The following USP36 variants were observed in gnomAD, a reference collection of about 807,000 sequenced individuals.
The protein encoded by USP36 is ubiquitin specific peptidase 36, also known as ubiquitin carboxyl-terminal hydrolase 36.
USP36 carries 59 observed loss-of-function variants against 111.5 expected under a neutral mutation model. That is an observed-to-expected ratio of 0.53 (90% confidence interval 0.43 to 0.66). The LOEUF (loss-of-function observed/expected upper bound fraction) is 0.66. USP36 is among the 30% of genes least tolerant of loss of function. The pLI, the probability that USP36 is intolerant of heterozygous loss-of-function variation, is 0.00. For missense variants in USP36, 1,488 were observed against 1,468.0 expected, an observed-to-expected ratio of 1.01 and a Z score of -0.22; for synonymous variants, 628 against 581.0, an observed-to-expected ratio of 1.08 and a Z score of -1.16.
intron 17 of USP36, among the ~76,000 whole-genome samples, chr17:78,800,976 T>A (rs2093727932): frequency 6.9e-6 from 1 of 144,610 alleles, no homozygotes; most frequent in Non-Finnish European, 1.5e-5. Context: ...AGTATTTTTT[T>A]TTTTTTTTTT....
chr17:78,840,980 A>T (rs1407905395), upstream of USP36: 6 of 151,636 alleles, frequency 4.0e-5, no homozygotes, highest in African/African-American at 1.5e-4. Flanking sequence ...CGCCTACGTC[A>T]CCTCCCCATC....
chr17:78,830,074 T>G (rs780757747), intron 4 of USP36, among the ~76,000 whole-genome samples: 19 of 152,234 alleles, frequency 1.2e-4, no homozygotes, highest in Non-Finnish European at 2.5e-4. Context: ...CAAATTATGA[T>G]GTAAATAAAC....
In USP36 at chr17:78,829,019, G is replaced by T. The variant is rs1488816872; in HGVS notation, c.476-12C>A. On this transcript the variant is annotated splice_polypyrimidine_tract_variant and intron_variant, in intron 4 of 20. Transcript: ENST00000449938. ...GCTTCCCTGGTGGCCTGCCGGCGTG[G>T]AAGGAGGAGCAATTTTAAGACAAGA... The T allele has an allele frequency of 2.5e-6, 4 of 1,610,384 alleles. No homozygotes were observed. Among genetic ancestry groups the T allele is most frequent in the Non-Finnish European group, 3.4e-6 (4 of 1,178,168 alleles).
At chr17:78,790,466 T>A (rs914252648) in intron 3 of USP36, among the ~76,000 whole-genome samples, 5 of 152,218 alleles carry the variant, frequency 3.3e-5, no homozygotes, top group African/African-American at 1.2e-4. Flanking sequence ...AATTTTTTTT[T>A]ATTTTTAGTA....
chr17:78,790,444 C>G (rs137858906), intron 3 of USP36, among the ~76,000 whole-genome samples: 1 of 152,126 alleles, frequency 6.6e-6, no homozygotes, highest in African/African-American at 2.4e-5. Flanking sequence ...GCGTGTGCCA[C>G]GAGGCCCGGC....
rs755645646 is a variant in USP36, at chr17:78,806,947, C to T, written c.2085+12G>A. 3 of 1,613,146 alleles carry T rather than the reference C, an allele frequency of 1.9e-6. No individual in the cohort carries two copies. Among genetic ancestry groups the T allele is most frequent in the Non-Finnish European group, 2.5e-6 (3 of 1,179,312 alleles). On this transcript the variant is annotated intron_variant, in intron 14 of 20. Transcript: ENST00000449938. ...CTGATACACAGCAGCGGCGAGACCC[C>T]CACACACCCACCTTCTTGGCAGAAA...
At chr17:78,834,856 T>A (rs1170522952) in intron 4 of USP36, among the ~76,000 whole-genome samples, 3 of 151,914 alleles carry the variant, frequency 2.0e-5, no homozygotes, top group Non-Finnish European at 4.4e-5. Context: ...TGGCTCACAC[T>A]TATAATCCCA....
chr17:78,817,080 C>A (rs1394545284), intron 10 of USP36, among the ~76,000 whole-genome samples: 1 of 152,140 alleles, frequency 6.6e-6, no homozygotes, highest in Non-Finnish European at 1.5e-5. Context: ...TTTCACTGTA[C>A]CTTCTCTATG....
intron 13 of USP36, among the ~76,000 whole-genome samples, chr17:78,808,795 A>C (rs1319215945): frequency 1.3e-5 from 2 of 152,036 alleles, no homozygotes; most frequent in African/African-American, 2.4e-5. Context: ...TGTACCCGTT[A>C]TCTCTCTCGT....
chr17:78,803,884 T>TCCCTGGGGGCTTGGGGGTA lies in USP36; in HGVS notation c.2292_2310dup (p.Thr771TyrfsTer39), dbSNP rs2093820859. On this transcript the variant is annotated frameshift_variant, in exon 16 of 21. Transcript: ENST00000449938. LOFTEE classifies it high-confidence loss of function. This position sits in a 1 kb window ranked among gnomAD's most constrained non-coding sequence, Gnocchi z 4.6. ...GAGGAGCAGCTCCGTGGTTCTGACG[T>TCCCTGGGGGCTTGGGGGTA]CCCTGGGGGCTTGGGGGTACTGGAC... 1.4e-6 allele frequency: 2 copies of TCCCTGGGGGCTTGGGGGTA among 1,391,700 alleles called. No individual in the cohort carries two copies. Among genetic ancestry groups the TCCCTGGGGGCTTGGGGGTA allele is most frequent in the Non-Finnish European group, 9.6e-7 (1 of 1,045,268 alleles). 86.2% of individuals were successfully genotyped at this position (1,391,700 alleles called of 1,614,324 possible).
exon 4 of USP36, chr17:78,787,587 T>G (rs1366800124): frequency 6.6e-6 from 1 of 152,210 alleles, no homozygotes; most frequent in Admixed American, 6.5e-5. Flanking sequence ...AACACACAGG[T>G]CAATGAAGAG....
At chr17:78,818,531 T>C (rs2094241034) in intron 10 of USP36, 136 bp downstream of exon 10, 5 of 712,314 alleles carry the variant, frequency 7.0e-6, no homozygotes, top group Admixed American at 2.7e-5. Context: ...CTTCACAATA[T>C]GTGTAGAACC....
chr17:78,818,966 G>A, intron 9 of USP36, 188 bp from the exon 10 acceptor site: 4 of 546,734 alleles, frequency 7.3e-6, no homozygotes, highest in Non-Finnish European at 1.3e-5. Flanking sequence ...AGCTACCACA[G>A]GGAAATAAGA....
chr17:78,833,810 T>C lies in USP36; in HGVS notation c.475+1470A>G, dbSNP rs573377542. 3.4e-5 allele frequency among the ~76,000 whole-genome samples: 5 copies of C among 147,960 alleles called. No homozygotes were observed. The South Asian group carries it at 1.1e-3, about 32-fold the overall frequency. On this transcript the variant is annotated intron_variant, in intron 4 of 20. Transcript: ENST00000449938. ...TTTATATCTATGTTCGTGAAGAAGTTGTGGTTATCCATTTTCTTTCTCGCA... is the reference window on the plus strand; with the variant it reads ...TTTATATCTATGTTCGTGAAGAAGTCGTGGTTATCCATTTTCTTTCTCGCA...
intron 3 of USP36, 83 bp downstream of exon 3, chr17:78,836,028 C>G (rs1469713916): frequency 6.5e-7 from 1 of 1,546,668 alleles, no homozygotes; most frequent in Admixed American, 2.0e-5. Context: ...CTTGTTTTTC[C>G]TACTAATTAG....
chr17:78,829,136 C>T (rs1415848531), intron 4 of USP36, 129 bp from the exon 5 acceptor site: 18 of 698,072 alleles, frequency 2.6e-5, no homozygotes, highest in South Asian at 2.4e-4. Flanking sequence ...TGTGAGAGAA[C>T]GGCTGAGCCA....
intron 2 of USP36, among the ~76,000 whole-genome samples, chr17:78,837,359 T>A (rs1312072972): frequency 1.3e-5 from 2 of 151,662 alleles, no homozygotes; most frequent in African/African-American, 4.8e-5. Flanking sequence ...AGCAGGAGAG[T>A]GGGGAGATCA....
chr17:78,824,362 G>A (rs990929885), intron 6 of USP36, among the ~76,000 whole-genome samples: 24 of 152,232 alleles, frequency 1.6e-4, no homozygotes, highest in Admixed American at 1.4e-3. Context: ...ACAGTGAGGA[G>A]CGAGGAAAAC....
At chr17:78,817,737 CAA>C (rs778072599) in intron 10 of USP36, among the ~76,000 whole-genome samples, 19 of 114,472 alleles carry the variant, frequency 1.7e-4, no homozygotes, top group Non-Finnish European at 1.7e-4. Context: ...GACTCTGTCT[CAA>C]AAAAAAAAAA....
Sources: gnomAD v4.1 joint callset for allele counts (sites outside exome capture counted in the v4.1 genomes callset) on GRCh38, gnomAD v4.1.1 for gene constraint, Gnocchi (gnomAD v3.1) non-coding constraint, MANE v1.5 for transcripts, NCBI Gene and HGNC (gene_info 2026-07-23, HGNC 2026-07-21) for gene names.